Variants in FSIP2 observed in about 807,000 individuals in gnomAD.
FSIP2 encodes fibrous sheath-interacting protein 2.
Under a neutral mutation model 510.5 loss-of-function variants are expected in FSIP2, and 367 were observed. The observed-to-expected ratio is 0.72, with a 90% CI of 0.66 to 0.78. FSIP2 has a LOEUF of 0.78. FSIP2 is among the 30% of genes least tolerant of loss of function. FSIP2 has a pLI of 0.00. For synonymous variants in FSIP2, 2,601 were observed against 2,732.2 expected (o/e 0.95, Z 1.50); for missense variants, 7,594 against 7,901.7 (o/e 0.96, Z 1.48).
At chr2:185,756,429 T>C (rs978947343) in intron 9 of FSIP2, among the ~76,000 whole-genome samples, 151 bp downstream of exon 9, 2 of 151,546 alleles carry the variant, frequency 1.3e-5, no homozygotes, top group African/African-American at 4.8e-5. Context: ...TCAAGAGCTA[T>C]GTGGCCTTTA....
intron 13 of FSIP2, among the ~76,000 whole-genome samples, chr2:185,772,589 C>T (rs6705753): frequency 0.54 from 82,666 of 151,892 alleles, 22,769 homozygotes; most frequent in South Asian, 0.64. Flanking sequence ...TCACTCATTA[C>T]TGCTGTAAGG....
intron 13 of FSIP2, among the ~76,000 whole-genome samples, 165 bp from the exon 14 acceptor site, chr2:185,782,540 C>T (rs958658620): frequency 7.6e-5 from 11 of 145,196 alleles, no homozygotes; most frequent in Non-Finnish European, 1.2e-4. Flanking sequence ...TCAGATCTTA[C>T]AGTACAGGTC....
Position 185,801,712 on chromosome 2 carries a change from A to G in FSIP2, c.12406A>G (p.Thr4136Ala). 1 of 1,530,634 alleles carries G rather than the reference A, an allele frequency of 6.5e-7. No individual in the cohort carries two copies. Among genetic ancestry groups the G allele is most frequent in the Non-Finnish European group, 8.7e-7 (1 of 1,144,272 alleles). The allele number at this position is 1,530,634 out of a possible 1,614,324, so 94.8% of individuals were successfully genotyped here. ...ACCCAGGTCTTCATCAGACTATAGT[A>G]CCATGTTATCACATTCATTTTTAGA... ...SLPRSSSDYSTMLSHSFLEDV... is the reference protein window; with the variant it reads ...SLPRSSSDYSAMLSHSFLEDV... Residue 4136 changes from threonine to alanine, a missense_variant, in exon 17 of 23, where the codon ACC becomes GCC. Thr to Ala is a moderately conservative substitution (Grantham distance 58). Coordinates refer to ENST00000424728, the MANE Select transcript of FSIP2 (RefSeq NM_173651.4).
Position 185,800,990 on chromosome 2 carries a change from T to G in FSIP2, c.11684T>G (p.Leu3895Ter). ...IKARKSELIE[L>*]GQSKSSLELR... ...GCAAGAAAGTCAGAATTAATAGAATTAGGACAGAGTAAAAGTTCTTTAGAA... is the reference window on the plus strand; with the variant it reads ...GCAAGAAAGTCAGAATTAATAGAATGAGGACAGAGTAAAAGTTCTTTAGAA... The change falls in exon 17 of 23, where the codon TTA (leucine) becomes TGA (stop). Residue 3895 changes from leucine to a stop codon, truncating the protein, a stop_gained. Coordinates refer to ENST00000424728, the MANE Select transcript of FSIP2 (RefSeq NM_173651.4). LOFTEE classifies it high-confidence loss of function. 1.3e-6 allele frequency: 2 copies of G among 1,531,124 alleles called. No homozygotes were observed. The highest frequency in any genetic ancestry group is 1.7e-6 in the Non-Finnish European group (2 of 1,143,712). The allele number at this position is 1,531,124 out of a possible 1,614,324, so 94.8% of individuals were successfully genotyped here.
chr2:185,811,004 T>G (rs528404053), intron 17 of FSIP2, among the ~76,000 whole-genome samples: 2 of 151,964 alleles, frequency 1.3e-5, no homozygotes, highest in African/African-American at 4.8e-5. Flanking sequence ...AACATGTGAG[T>G]GATGACCTAG....
chr2:185,763,972 AC>A (rs1476603841), intron 12 of FSIP2, among the ~76,000 whole-genome samples: 1 of 151,668 alleles, frequency 6.6e-6, no homozygotes, highest in African/African-American at 2.4e-5. Context: ...GGTTTAGTTC[AC>A]TGTTCTACCA....
rs1053312856 is a variant in FSIP2, at chr2:185,814,193, C to T, written c.20325+151C>T. 20 of 763,808 alleles carry T rather than the reference C, an allele frequency of 2.6e-5. No individual in the cohort carries two copies. In the African/African-American group the frequency reaches 3.6e-4, roughly 14 times the overall value. The allele number at this position is 763,808 out of a possible 1,614,324, so 47.3% of individuals were successfully genotyped here. ...TTTACAGGATAAGGGAAATTATTAC[C>T]AGGTACAGCTATGAAACTCAACTGT... On this transcript the variant is annotated intron_variant, in intron 18 of 22. Coordinates refer to ENST00000424728, the MANE Select transcript of FSIP2 (RefSeq NM_173651.4).
chr2:185,807,102 C>T lies in FSIP2; in HGVS notation c.17796C>T (p.Asp5932=). Residue 5932 remains aspartate, a synonymous_variant, in exon 17 of 23, where the codon GAC becomes GAT. Coordinates refer to ENST00000424728, the MANE Select transcript of FSIP2 (RefSeq NM_173651.4). ...TTTTAAATGACTATGGATCTCAAGA[C>T]TCTATTTGGAAGAATATAAACAGTA... ...CNILNDYGSQ[D]SIWKNINSNG... 3.1e-6 allele frequency: 5 copies of T among 1,597,908 alleles called. No individual in the cohort carries two copies. The highest frequency in any genetic ancestry group is 3.4e-6 in the Non-Finnish European group (4 of 1,174,438).
At chr2:185,818,923 TATA>T (rs1381873353) in intron 19 of FSIP2, among the ~76,000 whole-genome samples, 5 of 151,912 alleles carry the variant, frequency 3.3e-5, no homozygotes, top group African/African-American at 1.2e-4. Flanking sequence ...CATTAACAAA[TATA>T]AAAAATAGTA....
rs2105641829 is a variant in FSIP2 at position 185,802,513 on chromosome 2, G to A, written c.13207G>A (p.Glu4403Lys). The A allele has an allele frequency of 1.3e-6, 2 of 1,531,778 alleles. No individual in the cohort carries two copies. The highest frequency in any genetic ancestry group is 8.7e-7 in the Non-Finnish European group (1 of 1,144,762). The allele number at this position is 1,531,778 out of a possible 1,614,324, so 94.9% of individuals were successfully genotyped here. Residue 4403 changes from glutamate to lysine, a missense_variant, in exon 17 of 23, where the codon GAA (glutamate) becomes AAA (lysine). Physicochemically the swap from Glu to Lys is moderately conservative, Grantham distance 56. Transcript: ENST00000424728. Reference protein sequence around the residue: ...KESEDSGIFVENITNLIVAAI... With the variant: ...KESEDSGIFVKNITNLIVAAI... ...GTCTGAAGACAGTGGCATTTTTGTG[G>A]AAAATATTACCAATTTAATTGTAGC...
intron 21 of FSIP2, among the ~76,000 whole-genome samples, chr2:185,829,233 T>C (rs761204591): frequency 3.9e-5 from 6 of 151,908 alleles, no homozygotes; most frequent in Non-Finnish European, 7.4e-5. Context: ...AAAATTATGG[T>C]TAAAGTTGTT....
Position 185,794,289 on chromosome 2 carries a change from G to A in FSIP2, c.7153G>A (p.Glu2385Lys). Reference sequence around the variant, plus strand: ...ATATCAAAACAATATTTTGTTCCAAGAAAACATCATTGTGAGTGAAATTGT... The same window carrying A: ...ATATCAAAACAATATTTTGTTCCAAAAAAACATCATTGTGAGTGAAATTGT... ...YPYQNNILFQ[E>K]NIIVSEIVDS... Residue 2385 changes from glutamate (E) to lysine (K), a missense_variant, in exon 16 of 23, where the codon GAA becomes AAA. By Grantham distance (56) the Glu-to-Lys change is moderately conservative (BLOSUM62 1). Coordinates refer to ENST00000424728, the MANE Select transcript of FSIP2 (RefSeq NM_173651.4). 1.3e-6 allele frequency: 2 copies of A among 1,526,118 alleles called. No individual in the cohort carries two copies. The highest frequency in any genetic ancestry group is 1.8e-6 in the Non-Finnish European group (2 of 1,141,662). The allele number at this position is 1,526,118 out of a possible 1,614,324, so 94.5% of individuals were successfully genotyped here. A position where few individuals can be genotyped will look rare whatever the true frequency, so the allele number is the denominator to read the frequency against.
At chr2:185,751,329 TG>T (rs1692142076) in intron 7 of FSIP2, among the ~76,000 whole-genome samples, 1 of 151,646 alleles carries the variant, frequency 6.6e-6, no homozygotes. Context: ...TTTATTTTCC[TG>T]TTATTATTCT....
Position 185,805,547 on chromosome 2 carries a change from A to G in FSIP2, c.16241A>G (p.Asn5414Ser), listed in dbSNP as rs756445093. 10 of 1,611,548 alleles carry G rather than the reference A, an allele frequency of 6.2e-6. No individual in the cohort carries two copies. In the South Asian group the frequency reaches 7.7e-5, roughly 12 times the overall value. The change falls in exon 17 of 23, where the codon AAT becomes AGT. Residue 5414 changes from asparagine to serine, a missense_variant. Transcript: ENST00000424728. ...TTCTTTTCATTTCTAAATCCAGATAATATCACCCAAAGGGTTCAACACCTA... is the reference window on the plus strand; with the variant it reads ...TTCTTTTCATTTCTAAATCCAGATAGTATCACCCAAAGGGTTCAACACCTA... ...STFFSFLNPDNITQRVQHLPQ... is the reference protein window; with the variant it reads ...STFFSFLNPDSITQRVQHLPQ...
At position 185,833,255 on chromosome 2, in the gene FSIP2, A is replaced by T; in HGVS notation, c.*29A>T. ...TTTTGTACCTGATATAAGTATGCTT[A>T]CTTCTTTTAGAAAATAAAATGGTTT... is the stretch of plus-strand genomic sequence containing the variant. On this transcript the variant is annotated 3_prime_UTR_variant, in exon 23 of 23. Transcript: ENST00000424728. 1 of 1,558,930 alleles carries T rather than the reference A, an allele frequency of 6.4e-7. No individual in the cohort carries two copies. Among genetic ancestry groups the T allele is most frequent in the Non-Finnish European group, 8.7e-7 (1 of 1,149,808 alleles).
rs986165193 is a variant in FSIP2 at position 185,788,716 on chromosome 2, T to C, written c.1580T>C (p.Leu527Ser). The change falls in exon 16 of 23, where the codon TTG (leucine) becomes TCG (serine). Residue 527 changes from leucine to serine, a missense_variant. Leu to Ser is a moderately radical substitution (Grantham distance 145). Coordinates refer to ENST00000424728, the MANE Select transcript of FSIP2 (RefSeq NM_173651.4). ...TWVVATVTSI[L>S]YPAITKYEKR... is the part of the protein sequence containing the mutation. ...GTTGTGGCTACAGTGACCAGTATAT[T>C]GTACCCAGCCATCACAAAGTATGAA... 3.3e-6 allele frequency: 5 copies of C among 1,533,452 alleles called. No homozygotes were observed. The African/African-American group carries it at 5.5e-5, about 17-fold the overall frequency. The allele number at this position is 1,533,452 out of a possible 1,614,324, so 95.0% of individuals were successfully genotyped here.
At position 185,791,653 on chromosome 2, in the gene FSIP2, G is replaced by C; in HGVS notation, c.4517G>C (p.Ser1506Thr). 1 of 1,534,100 alleles carries C rather than the reference G, an allele frequency of 6.5e-7. No homozygotes were observed. Among genetic ancestry groups the C allele is most frequent in the Non-Finnish European group, 8.7e-7 (1 of 1,145,558 alleles). ...GTTGACATGGATACCAGTTTTGCAA[G>C]TTGTGGATTAAAAGCTATCTCAGAG... Reference protein sequence around the residue: ...CGVDMDTSFASCGLKAISESL... With the variant: ...CGVDMDTSFATCGLKAISESL... The change falls in exon 16 of 23, where the codon AGT (serine) becomes ACT (threonine). Residue 1506 changes from serine to threonine, a missense_variant. By Grantham distance (58) the Ser-to-Thr change is moderately conservative (BLOSUM62 1). Transcript: ENST00000424728.
intron 10 of FSIP2, 143 bp downstream of exon 10, chr2:185,761,246 C>A (rs1026074602): frequency 2.4e-5 from 10 of 410,744 alleles, no homozygotes; most frequent in Non-Finnish European, 4.3e-5. Context: ...GATCCATTTT[C>A]CTGGCAGAAA....
chr2:185,813,816 C>T lies in FSIP2; in HGVS notation c.20099C>T (p.Pro6700Leu), dbSNP rs1238619171. 1.2e-6 allele frequency: 2 copies of T among 1,613,360 alleles called. No individual in the cohort carries two copies. Among genetic ancestry groups the T allele is most frequent in the African/African-American group, 2.7e-5 (2 of 74,880 alleles). ...VKKPIQSKLSPKSTLSTSSLK... is the reference protein window; with the variant it reads ...VKKPIQSKLSLKSTLSTSSLK... ...AAGCCAATACAAAGCAAACTTTCTCCTAAGTCAACACTAAGCACGAGCAGC... is the reference window on the plus strand; with the variant it reads ...AAGCCAATACAAAGCAAACTTTCTCTTAAGTCAACACTAAGCACGAGCAGC... The change falls in exon 18 of 23, where the codon CCT (proline) becomes CTT (leucine). Residue 6700 changes from proline to leucine, a missense_variant. Pro to Leu is a moderately conservative substitution (Grantham distance 98). Coordinates refer to ENST00000424728, the MANE Select transcript of FSIP2 (RefSeq NM_173651.4).
Sources: gnomAD v4.1 joint callset for allele counts (sites outside exome capture counted in the v4.1 genomes callset) on GRCh38, gnomAD v4.1.1 for gene constraint, MANE v1.5 for transcripts, NCBI Gene and HGNC (gene_info 2026-07-23, HGNC 2026-07-21) for gene names.